The following NBAS variants were observed in gnomAD, a reference collection of about 807,000 sequenced individuals.
NBAS encodes NBAS subunit of NRZ tethering complex, also known as NAG/BC035112 fusion.
Under a neutral mutation model 302.5 loss-of-function variants are expected in NBAS, and 219 were observed. The ratio of observed to expected loss-of-function variants is 0.72; its 90% CI spans 0.65 to 0.81. The LOEUF is 0.81. Ranked by LOEUF, NBAS falls within the 30% of genes least tolerant of loss-of-function variation. The pLI, the probability that NBAS is intolerant of heterozygous loss-of-function variation, is 0.00. For synonymous variants in NBAS, 1,118 were observed against 1,021.6 expected, an observed-to-expected ratio of 1.09 and a Z score of -1.80; for missense variants, 2,932 against 2,841.6, an observed-to-expected ratio of 1.03 and a Z score of -0.72.
intron 32 of NBAS, among the ~76,000 whole-genome samples, chr2:15,358,295 G>C (rs1233604097): frequency 6.6e-6 from 1 of 151,996 alleles, no homozygotes; most frequent in Non-Finnish European, 1.5e-5. Flanking sequence ...TTTTCAGGGA[G>C]TCTACAGAGT....
the NBAS span, among the ~76,000 whole-genome samples, chr2:14,833,212 G>C: frequency 6.6e-6 from 1 of 152,102 alleles, no homozygotes; most frequent in Admixed American, 6.6e-5. Context: ...TAAATAAGCA[G>C]AAAGTTAAGG....
At chr2:15,125,741 T>A in the NBAS span, among the ~76,000 whole-genome samples, 1 of 152,208 alleles carries the variant, frequency 6.6e-6, no homozygotes, top group Admixed American at 6.5e-5. Flanking sequence ...AATGGGAATG[T>A]TTACCCAATG....
the NBAS span, among the ~76,000 whole-genome samples, chr2:14,871,080 G>A: frequency 2.0e-5 from 3 of 151,748 alleles, no homozygotes; most frequent in South Asian, 2.1e-4. Flanking sequence ...CAAAGGCACA[G>A]TAATACTACA....
chr2:15,203,890 T>TTGTGTGTGTGTGTGTGTGTGTG (rs143962413), intron 48 of NBAS, among the ~76,000 whole-genome samples: 1 of 129,460 alleles, frequency 7.7e-6, no homozygotes, highest in African/African-American at 2.8e-5. Flanking sequence ...GTGTGTGTGC[T>TTGTGTGTGTGTGTGTGTGTGTG]TGTGTGTGTG....
At chr2:15,494,842 T>C (rs1681005737) in intron 11 of NBAS, among the ~76,000 whole-genome samples, 1 of 152,178 alleles carries the variant, frequency 6.6e-6, no homozygotes, top group Admixed American at 6.5e-5. Context: ...ATCTCTGATG[T>C]GCACCTCCAC....
At chr2:15,216,419 T>A (rs1028933800) in intron 48 of NBAS, among the ~76,000 whole-genome samples, 1 of 152,124 alleles carries the variant, frequency 6.6e-6, no homozygotes, top group African/African-American at 2.4e-5. Context: ...GAAATATTGG[T>A]GAAACGCAGA....
In NBAS at chr2:15,279,608, T is replaced by C. The variant is rs78610101; in HGVS notation, c.5139-2507A>G. Among the ~76,000 whole-genome samples, 299 of 152,320 alleles carry C rather than the reference T, an allele frequency of 2.0e-3. 4 individuals are homozygous for C. The East Asian group carries it at 0.032, about 16-fold the overall frequency. On this transcript the variant is annotated intron_variant, in intron 42 of 51. Transcript: ENST00000281513. ...GACTTGATTATGAATATAGTCTCTC[T>C]CAATCAACATTACTTTCCCTCTTGC...
intron 21 of NBAS, among the ~76,000 whole-genome samples, chr2:15,449,636 T>G (rs984347572): frequency 6.6e-6 from 1 of 152,074 alleles, no homozygotes; most frequent in African/African-American, 2.4e-5. Flanking sequence ...TCTATCAAGA[T>G]CTAAAGTGCC....
chr2:14,817,245 C>A, the NBAS span, among the ~76,000 whole-genome samples: 1 of 152,166 alleles, frequency 6.6e-6, no homozygotes, highest in African/African-American at 2.4e-5. Flanking sequence ...CATCACCTAC[C>A]TGGAGTATTC....
the NBAS span, among the ~76,000 whole-genome samples, chr2:14,793,227 T>C: frequency 6.6e-6 from 1 of 152,170 alleles, no homozygotes; most frequent in Non-Finnish European, 1.5e-5. Context: ...AAATAAATTT[T>C]TGTAGTTTAA....
At chr2:15,202,528 A>G (rs55917739) in intron 48 of NBAS, among the ~76,000 whole-genome samples, 23,897 of 76,350 alleles carry the variant, frequency 0.31, 2,843 homozygotes, top group East Asian at 0.66. Context: ...TTGTTTATTT[A>G]TTTATTTATT....
chr2:14,896,005 GA>G, the NBAS span, among the ~76,000 whole-genome samples: 2 of 150,120 alleles, frequency 1.3e-5, no homozygotes, highest in African/African-American at 2.4e-5. Context: ...CTATAAAGGG[GA>G]AAAAAAAACG....
chr2:15,379,822 C>T lies in NBAS; in HGVS notation c.3370G>A (p.Glu1124Lys), dbSNP rs1402470054. ...DSDACYEIFT[E>K]SLLCSSRLEN... ...AGGCGACTAGAGCACAGAAGGCTTT[C>T]TGTAAATATCTGGAAAAAAGGAGAA... Residue 1124 changes from glutamate to lysine, a missense_variant, in exon 30 of 52, where the codon GAA becomes AAA. Physicochemically the swap from Glu to Lys is moderately conservative, Grantham distance 56. Coordinates refer to ENST00000281513, the MANE Select transcript of NBAS (RefSeq NM_015909.4). The T allele has an allele frequency of 1.9e-6, 3 of 1,613,604 alleles. No homozygotes were observed. The highest frequency in any genetic ancestry group is 2.5e-6 in the Non-Finnish European group (3 of 1,179,654).
chr2:14,779,006 A>C, the NBAS span, among the ~76,000 whole-genome samples: 1 of 152,214 alleles, frequency 6.6e-6, no homozygotes, highest in Non-Finnish European at 1.5e-5. Context: ...ACCACTCTAC[A>C]AATGAGCCCT....
intron 50 of NBAS, 33 bp downstream of exon 50, chr2:15,186,709 C>T (rs1174498102): frequency 1.2e-6 from 2 of 1,613,560 alleles, no homozygotes; most frequent in African/African-American, 2.7e-5. Flanking sequence ...GCAAAGGCCA[C>T]TCCTTAGGAA....
chr2:15,001,463 C>T, the NBAS span, among the ~76,000 whole-genome samples: 12 of 152,212 alleles, frequency 7.9e-5, no homozygotes, highest in African/African-American at 2.9e-4. Flanking sequence ...GATTACAACT[C>T]AGTTCTTATC....
At chr2:15,103,403 A>G in the NBAS span, among the ~76,000 whole-genome samples, 1 of 152,290 alleles carries the variant, frequency 6.6e-6, no homozygotes, top group African/African-American at 2.4e-5. Flanking sequence ...CTAGGAGGTG[A>G]TTCTGACATA....
At chr2:14,788,877 A>G in the NBAS span, among the ~76,000 whole-genome samples, 1 of 152,198 alleles carries the variant, frequency 6.6e-6, no homozygotes, top group Non-Finnish European at 1.5e-5. Flanking sequence ...AGACATGGAC[A>G]TTTAAGTCTG....
chr2:15,359,015 A>T (rs1413136322), intron 32 of NBAS, among the ~76,000 whole-genome samples: 2 of 152,174 alleles, frequency 1.3e-5, no homozygotes, highest in African/African-American at 4.8e-5. Context: ...CCTAAAATAA[A>T]ACTGCAATTA....
Sources: gnomAD v4.1 joint callset for allele counts (sites outside exome capture counted in the v4.1 genomes callset) on GRCh38, gnomAD v4.1.1 for gene constraint, MANE v1.5 for transcripts, NCBI Gene and HGNC (gene_info 2026-07-23, HGNC 2026-07-21) for gene names.